SCN2A: variants seen among roughly 807,000 people sequenced by gnomAD.
SCN2A encodes sodium channel protein type 2 subunit alpha.
In SCN2A, 20 loss-of-function variants were observed where a neutral mutation model predicts 188.7. The observed-to-expected ratio is 0.11, with a 90% CI of 0.07 to 0.15. SCN2A has a LOEUF of 0.15. Ranked by LOEUF, SCN2A falls within the 10% of genes least tolerant of loss-of-function variation. The probability of loss-of-function intolerance (pLI) is 1.00; values close to 1 mark genes in which losing one functional copy is unlikely to be tolerated. For missense variants in SCN2A, 1,278 were observed against 2,445.0 expected, an observed-to-expected ratio of 0.52 and a Z score of 10.07; for synonymous variants, 804 against 833.1, an observed-to-expected ratio of 0.97 and a Z score of 0.60.
intron 17 of SCN2A, among the ~76,000 whole-genome samples, chr2:165,360,001 T>A (rs1364193279): frequency 1.3e-5 from 2 of 152,006 alleles, no homozygotes; most frequent in Non-Finnish European, 2.9e-5. Flanking sequence ...TTTTACCATA[T>A]TCTTTTTTAG....
intron 3 of SCN2A, among the ~76,000 whole-genome samples, chr2:165,305,025 A>G (rs774292046): frequency 1.3e-5 from 2 of 152,204 alleles, no homozygotes; most frequent in Admixed American, 1.3e-4. Context: ...TAGATGGACT[A>G]TTAGATTTGA....
At chr2:165,323,097 A>C in intron 11 of SCN2A, 59 bp from the exon 12 acceptor site, 2 of 1,489,002 alleles carry the variant, frequency 1.3e-6, no homozygotes, top group Non-Finnish European at 1.9e-6. Context: ...TCTGTTTTTC[A>C]GAATGCCAGC....
intron 8 of SCN2A, among the ~76,000 whole-genome samples, chr2:165,313,046 T>C (rs1395442593): frequency 3.3e-5 from 5 of 152,142 alleles, no homozygotes; most frequent in African/African-American, 1.2e-4. Context: ...CAGGTTCTCT[T>C]ATTAGCCCAT....
At position 165,319,285 on chromosome 2, in the gene SCN2A, C is replaced by T. The variant is rs184619051; in HGVS notation, c.1671+3527C>T. Among the ~76,000 whole-genome samples, 1,251 of 151,994 alleles carry T rather than the reference C, an allele frequency of 8.2e-3. 26 individuals are homozygous for T. The highest frequency in any genetic ancestry group is 0.028 in the African/African-American group (1,155 of 41,452). On this transcript the variant is annotated intron_variant, in intron 11 of 26. Coordinates refer to ENST00000375437, the MANE Select transcript of SCN2A (RefSeq NM_001040142.2). Reference sequence around the variant, plus strand: ...CTGGGAGGTGGAGCTTGCAGTGAGCCGAGATCACGCCACTGCACTCCAGCC... The same window carrying T: ...CTGGGAGGTGGAGCTTGCAGTGAGCTGAGATCACGCCACTGCACTCCAGCC...
intron 17 of SCN2A, among the ~76,000 whole-genome samples, chr2:165,363,597 C>G (rs868506669): frequency 6.6e-6 from 1 of 152,000 alleles, no homozygotes; most frequent in East Asian, 1.9e-4. Flanking sequence ...CATAGTTATA[C>G]TTATCTCAGA....
At chr2:165,341,561 A>G (rs1456648551) in intron 14 of SCN2A, among the ~76,000 whole-genome samples, 1 of 152,194 alleles carries the variant, frequency 6.6e-6, no homozygotes, top group Non-Finnish European at 1.5e-5. Context: ...AAACAGGGGC[A>G]CTTCTTTCAT....
chr2:165,254,082 T>C (rs1251826313), intron 1 of SCN2A, among the ~76,000 whole-genome samples: 1 of 151,908 alleles, frequency 6.6e-6, no homozygotes. Flanking sequence ...CTTAGTGATA[T>C]ATTGATGTAA....
intron 17 of SCN2A, among the ~76,000 whole-genome samples, chr2:165,354,969 A>G (rs568021236): frequency 3.9e-5 from 6 of 152,252 alleles, no homozygotes; most frequent in Admixed American, 6.5e-5. Flanking sequence ...AAATGCCTCA[A>G]TTTCTCCACT....
intron 3 of SCN2A, among the ~76,000 whole-genome samples, chr2:165,300,195 TA>T (rs1696728174): frequency 6.6e-6 from 1 of 152,240 alleles, no homozygotes. Context: ...TGTCAGCTTT[TA>T]TTATTTTAAG....
In SCN2A at chr2:165,309,373, C is replaced by T; in HGVS notation, c.627C>T (p.Asp209=). The part of the protein sequence containing the change: ...ITFAYVTEFV[D]LGNVSALRTF... ...ACAGATATGTGACAGAGTTTGTGGA[C>T]CTGGGCAATGTCTCAGCGTTGAGAA... Residue 209 remains aspartate (D), a synonymous_variant, in exon 6 of 27, where the codon GAC becomes GAT. Coordinates refer to ENST00000375437, the MANE Select transcript of SCN2A (RefSeq NM_001040142.2). 2 of 1,613,596 alleles carry T rather than the reference C, an allele frequency of 1.2e-6. No individual in the cohort carries two copies. The highest frequency in any genetic ancestry group is 1.7e-6 in the Non-Finnish European group (2 of 1,179,692).
At chr2:165,308,021 T>C in intron 4 of SCN2A, 84 bp downstream of exon 4, 1 of 900,676 alleles carries the variant, frequency 1.1e-6, no homozygotes, top group Non-Finnish European at 1.9e-6. Flanking sequence ...TCAATTTCTT[T>C]AACAAATCAT....
At chr2:165,286,724 A>G (rs984720509) in intron 1 of SCN2A, among the ~76,000 whole-genome samples, 2 of 152,204 alleles carry the variant, frequency 1.3e-5, no homozygotes, top group Non-Finnish European at 2.9e-5. Context: ...TGCCTGGATG[A>G]ACACAGGGTG....
At chr2:165,309,145 A>G in intron 5 of SCN2A, 1 of 1,611,370 alleles carries the variant, frequency 6.2e-7, no homozygotes, top group Non-Finnish European at 8.5e-7. Context: ...ATTCTGAATA[A>G]CTCTGATTTA....
chr2:165,290,681 A>G (rs1696055452), intron 1 of SCN2A: 1 of 660,664 alleles, frequency 1.5e-6, no homozygotes, highest in Non-Finnish European at 1.9e-6. Flanking sequence ...GTAAAGTAAG[A>G]CCTGAATATG....
intron 22 of SCN2A, among the ~76,000 whole-genome samples, chr2:165,376,648 C>G (rs1701329053): frequency 6.6e-6 from 1 of 151,896 alleles, no homozygotes; most frequent in Admixed American, 6.6e-5. Context: ...TTGTTTTCCT[C>G]CCTTCCTACT....
chr2:165,306,846 C>A (rs1416315671), intron 3 of SCN2A, among the ~76,000 whole-genome samples: 2 of 151,890 alleles, frequency 1.3e-5, no homozygotes, highest in African/African-American at 4.8e-5. Flanking sequence ...ATGAAGAGCA[C>A]GTATTTCCTC....
At chr2:165,244,895 A>T (rs539367634) in intron 1 of SCN2A, among the ~76,000 whole-genome samples, 1 of 152,158 alleles carries the variant, frequency 6.6e-6, no homozygotes, top group African/African-American at 2.4e-5. Flanking sequence ...GTGTTGTGTG[A>T]TATGTATGGG....
chr2:165,262,433 T>G (rs1694635908), intron 1 of SCN2A, among the ~76,000 whole-genome samples: 1 of 152,122 alleles, frequency 6.6e-6, no homozygotes, highest in South Asian at 2.1e-4. Context: ...TGCATCCTCA[T>G]AGCTTAGCTC....
chr2:165,274,229 C>T (rs1387069741), intron 1 of SCN2A: 8 of 150,216 alleles, frequency 5.3e-5, no homozygotes, highest in African/African-American at 1.2e-4. Flanking sequence ...AAAATGAATT[C>T]GAAATATTTT....
Sources: gnomAD v4.1 joint callset for allele counts (sites outside exome capture counted in the v4.1 genomes callset) on GRCh38, gnomAD v4.1.1 for gene constraint, MANE v1.5 for transcripts, NCBI Gene and HGNC (gene_info 2026-07-23, HGNC 2026-07-21) for gene names.